FBXW4: variants seen among roughly 807,000 people sequenced by gnomAD.
The protein encoded by FBXW4 is F-box and WD repeat domain containing 4.
FBXW4 carries 40 observed loss-of-function variants against 61.8 expected under a neutral mutation model. The ratio of observed to expected loss-of-function variants is 0.65; its 90% confidence interval spans 0.50 to 0.84. The LOEUF is 0.84. Among genes scored for constraint, FBXW4 ranks in the 40% least tolerant of loss-of-function variants. The pLI is 0.00. For synonymous variants in FBXW4, 311 were observed against 313.8 expected (o/e 0.99, Z 0.10); for missense variants, 672 against 753.8 (o/e 0.89, Z 1.27).
intron 6 of FBXW4, among the ~76,000 whole-genome samples, chr10:101,624,091 GACAC>G (rs35664019): frequency 5.0e-4 from 74 of 147,658 alleles, no homozygotes; most frequent in African/African-American, 6.0e-4. Context: ...GACACAGACA[GACAC>G]ACACACACAC....
chr10:101,626,865 G>C (rs1160742992), intron 5 of FBXW4: 2 of 152,290 alleles, frequency 1.3e-5, no homozygotes, highest in Non-Finnish European at 2.9e-5. Flanking sequence ...CAATAGAGAG[G>C]GGAGCAACTT....
At chr10:101,629,781 C>T (rs1379500778) in intron 5 of FBXW4, among the ~76,000 whole-genome samples, 1 of 151,642 alleles carries the variant, frequency 6.6e-6, no homozygotes, top group Non-Finnish European at 1.5e-5. Flanking sequence ...TTTGAATCTC[C>T]AGCATCTAGT....
intron 5 of FBXW4, chr10:101,660,409 T>A: frequency 3.1e-6 from 1 of 323,124 alleles, no homozygotes; most frequent in Non-Finnish European, 4.5e-6. Context: ...ACCCTTAATT[T>A]AAATGTTAAT....
chr10:101,691,355 T>G (rs2064599677), intron 1 of FBXW4, among the ~76,000 whole-genome samples: 1 of 152,172 alleles, frequency 6.6e-6, no homozygotes, highest in African/African-American at 2.4e-5. Flanking sequence ...TCTCTCCACC[T>G]GCTGTAACAC....
chr10:101,629,504 G>T (rs572505641), intron 5 of FBXW4, among the ~76,000 whole-genome samples: 9 of 151,950 alleles, frequency 5.9e-5, no homozygotes, highest in African/African-American at 2.2e-4. Flanking sequence ...GGCTGGTCTC[G>T]AACTCCTGAC....
intron 5 of FBXW4, among the ~76,000 whole-genome samples, chr10:101,663,982 T>A (rs183508988): frequency 9.1e-4 from 138 of 152,350 alleles, no homozygotes; most frequent in African/African-American, 3.3e-3. Flanking sequence ...GGTCCTTGCC[T>A]GCCACTTTCC....
At chr10:101,657,573 G>A (rs2064198740) in intron 5 of FBXW4, among the ~76,000 whole-genome samples, 1 of 141,392 alleles carries the variant, frequency 7.1e-6, no homozygotes, top group African/African-American at 2.6e-5. Context: ...GGTGGAAGTT[G>A]CAGTGAGCTG....
rs796433194 is a variant in FBXW4, at chr10:101,624,659, C to G, written c.1301+86G>C. The G allele has an allele frequency of 1.2e-5, 17 of 1,468,486 alleles. No individual in the cohort carries two copies. The African/African-American group carries it at 2.1e-4, about 18-fold the overall frequency. The allele number at this position is 1,468,486 out of a possible 1,614,324, so 91.0% of individuals were successfully genotyped here. ...CACTTCCCAGCCTTCTCCTGGACCACTCAGCCAACTGAGGCAGAGGCTGGC... is the reference window on the plus strand; with the variant it reads ...CACTTCCCAGCCTTCTCCTGGACCAGTCAGCCAACTGAGGCAGAGGCTGGC... On this transcript the variant is annotated intron_variant, in intron 6 of 8. Coordinates refer to ENST00000331272, the MANE Select transcript of FBXW4 (RefSeq NM_022039.4).
Position 101,622,685 on chromosome 10 carries a change from G to A in FBXW4, c.1301+2060C>T, listed in dbSNP as rs970218587. ...AGAGCTTGCAGTGAGCTGAGATCAC[G>A]CCACTGCACTCCAGCCTGGGCGACA... On this transcript the variant is annotated intron_variant, in intron 6 of 8. Coordinates refer to ENST00000331272, the MANE Select transcript of FBXW4 (RefSeq NM_022039.4). Among the ~76,000 whole-genome samples the A allele has an allele frequency of 3.0e-5, 4 of 131,176 alleles. No individual in the cohort carries two copies. In the East Asian group the frequency reaches 6.7e-4, roughly 22 times the overall value. 86.1% of individuals were successfully genotyped at this position (131,176 alleles called of 152,430 possible).
At chr10:101,639,740 C>G (rs186462621) in intron 5 of FBXW4, among the ~76,000 whole-genome samples, 92 of 152,256 alleles carry the variant, frequency 6.0e-4, no homozygotes, top group Non-Finnish European at 1.1e-3. Context: ...ATAAGCTGGT[C>G]AGCTTGGAGA....
Position 101,694,682 on chromosome 10 carries a change from C to G in FBXW4, c.424G>C (p.Gly142Arg), listed in dbSNP as rs564717447. ...GARPGRAQGRGGQAWADIAGT... is the reference protein window; with the variant it reads ...GARPGRAQGRRGQAWADIAGT... Reference sequence around the variant, plus strand: ...GCGATGTCGGCCCAAGCCTGACCCCCTCGTCCCTGTGCTCTTCCCGGCCTG... The same window carrying G: ...GCGATGTCGGCCCAAGCCTGACCCCGTCGTCCCTGTGCTCTTCCCGGCCTG... The change falls in exon 1 of 9, where the codon GGG becomes CGG. Residue 142 changes from glycine (G) to arginine (R), a missense_variant. Gly to Arg is a moderately radical substitution (Grantham distance 125). This residue lies in a region of FBXW4 where 311 missense variants were observed against 301.1 expected (regional missense o/e 1.03). Coordinates refer to ENST00000331272, the MANE Select transcript of FBXW4 (RefSeq NM_022039.4). This position sits in a 1 kb window ranked among gnomAD's most constrained non-coding sequence, Gnocchi z 6.0. 1 of 1,393,154 alleles carries G rather than the reference C, an allele frequency of 7.2e-7. No homozygotes were observed. The highest frequency in any genetic ancestry group is 9.2e-7 in the Non-Finnish European group (1 of 1,083,178). The allele number at this position is 1,393,154 out of a possible 1,614,324, so 86.3% of individuals were successfully genotyped here. A position where few individuals can be genotyped will look rare whatever the true frequency, so the allele number is the denominator to read the frequency against.
Position 101,694,732 on chromosome 10 carries a change from A to C in FBXW4, c.374T>G (p.Val125Gly). 1 of 1,367,080 alleles carries C rather than the reference A, an allele frequency of 7.3e-7. No homozygotes were observed. The highest frequency in any genetic ancestry group is 9.4e-7 in the Non-Finnish European group (1 of 1,068,530). 84.7% of individuals were successfully genotyped at this position (1,367,080 alleles called of 1,614,324 possible). The change falls in exon 1 of 9, where the codon GTC (valine) becomes GGC (glycine). Residue 125 changes from valine to glycine, a missense_variant. Physicochemically the swap from Val to Gly is moderately radical, Grantham distance 109 (BLOSUM62 -3). Transcript: ENST00000331272. This position sits in a 1 kb window ranked among gnomAD's most constrained non-coding sequence, Gnocchi z 6.0. Reference protein sequence around the residue: ...REYGKKEEWRVRARRREGARP... With the variant: ...REYGKKEEWRGRARRREGARP... ...GGCGCCCTCCCGCCGCCTAGCCCTG[A>C]CCCTCCATTCCTCCTTCTTCCCATA...
At position 101,611,731 on chromosome 10, in the gene FBXW4, G is replaced by A. The variant is rs1232852287; in HGVS notation, c.1481C>T (p.Thr494Ile). 1 of 1,614,150 alleles carries A rather than the reference G, an allele frequency of 6.2e-7. No individual in the cohort carries two copies. The highest frequency in any genetic ancestry group is 1.7e-5 in the Admixed American group (1 of 60,024). Residue 494 changes from threonine (T) to isoleucine (I), a missense_variant, in exon 8 of 9, where the codon ACC becomes ATC. Physicochemically the swap from Thr to Ile is moderately conservative, Grantham distance 89. Around this residue, in one of 5 missense-constraint regions of FBXW4, gnomAD observed 312 missense variants for 370.1 expected, o/e 0.84. Coordinates refer to ENST00000331272, the MANE Select transcript of FBXW4 (RefSeq NM_022039.4). This position sits in a 1 kb window ranked among gnomAD's most constrained non-coding sequence, Gnocchi z 4.9. The stretch of plus-strand genomic sequence containing the variant: ...GCCATCTGTCTGCAGGCAGTACAGG[G>A]TGCTGTCGTGGGGCTCCTCCCACTC... ...VMEWEEPHDS[T>I]LYCLQTDGNH...
intron 4 of FBXW4, 79 bp downstream of exon 4, chr10:101,672,836 T>A: frequency 6.6e-7 from 1 of 1,525,358 alleles, no homozygotes. Flanking sequence ...TCTCAGCCAA[T>A]CCTGAGACTC....
At position 101,634,864 on chromosome 10, in the gene FBXW4, T is replaced by C. The variant is rs554951859; in HGVS notation, c.1236-10054A>G. 4.7e-5 allele frequency among the ~76,000 whole-genome samples: 7 copies of C among 149,514 alleles called. No individual in the cohort carries two copies. In the South Asian group the frequency reaches 6.3e-4, roughly 13 times the overall value. ...AGATAAACACAAAATTCTGAAGCCA[T>C]GAAGGTAGTGATCAGACAGACCTAA... On this transcript the variant is annotated intron_variant, in intron 5 of 8. Coordinates refer to ENST00000331272, the MANE Select transcript of FBXW4 (RefSeq NM_022039.4).
rs1376677631 is a variant in FBXW4 at position 101,610,917 on chromosome 10, A to G, written c.*374T>C. 6.3e-6 allele frequency: 1 copy of G among 158,506 alleles called. No homozygotes were observed. Among genetic ancestry groups the G allele is most frequent in the Non-Finnish European group, 1.4e-5 (1 of 72,264 alleles). The allele number at this position is 158,506 out of a possible 1,614,324, so 9.8% of individuals were successfully genotyped here. On this transcript the variant is annotated 3_prime_UTR_variant, in exon 9 of 9. Coordinates refer to ENST00000331272, the MANE Select transcript of FBXW4 (RefSeq NM_022039.4). ...CACCTTTCCTTCCAGGAAGGGGCAG[A>G]AAGGAACCATCTGGGAAGGTGGGAG...
At chr10:101,628,985 C>A (rs1290088538) in intron 5 of FBXW4, among the ~76,000 whole-genome samples, 1 of 152,172 alleles carries the variant, frequency 6.6e-6, no homozygotes, top group Admixed American at 6.5e-5. Flanking sequence ...CATCAGGCTC[C>A]AGAAGTAGAC....
rs2064660537 is a variant in FBXW4 at position 101,694,907 on chromosome 10, C to T, written c.199G>A (p.Glu67Lys). The T allele has an allele frequency of 1.6e-6, 2 of 1,244,198 alleles. No homozygotes were observed. The highest frequency in any genetic ancestry group is 1.0e-6 in the Non-Finnish European group (1 of 995,418). 77.1% of individuals were successfully genotyped at this position (1,244,198 alleles called of 1,614,324 possible). The change falls in exon 1 of 9, where the codon GAG (glutamate) becomes AAG (lysine). Residue 67 changes from glutamate to lysine, a missense_variant. Coordinates refer to ENST00000331272, the MANE Select transcript of FBXW4 (RefSeq NM_022039.4). This position sits in a 1 kb window ranked among gnomAD's most constrained non-coding sequence, Gnocchi z 6.0. Reference protein sequence around the residue: ...EGKPGPQTAKEAAGPGADAGA... With the variant: ...EGKPGPQTAKKAAGPGADAGA... ...GCGTCAGCCCCCGGCCCGGCTGCCT[C>T]CTTCGCCGTCTGCGGCCCGGGCTTC... is the stretch of plus-strand genomic sequence containing the variant.
At position 101,667,967 on chromosome 10, in the gene FBXW4, G is replaced by A. The variant is rs2064322678; in HGVS notation, c.1154C>T (p.Ala385Val). The stretch of plus-strand genomic sequence containing the variant: ...TAAGCACTGCCCCAGCCGGCCTGAG[G>A]CCAAAGGCCACACCTAGAAACAGGA... ...RDRTAKVWPL[A>V]SGRLGQCLHT... Residue 385 changes from alanine to valine, a missense_variant, in exon 5 of 9, where the codon GCC (alanine) becomes GTC (valine). Physicochemically the swap from Ala to Val is moderately conservative, Grantham distance 64. This residue lies in a region of FBXW4 where 312 missense variants were observed against 370.1 expected (regional missense o/e 0.84). Coordinates refer to ENST00000331272, the MANE Select transcript of FBXW4 (RefSeq NM_022039.4). 1.2e-6 allele frequency: 2 copies of A among 1,614,138 alleles called. No individual in the cohort carries two copies. The highest frequency in any genetic ancestry group is 1.7e-6 in the Non-Finnish European group (2 of 1,179,946).
Sources: allele counts gnomAD v4.1 joint callset (sites outside exome capture counted in the v4.1 genomes callset), GRCh38; gene constraint gnomAD v4.1.1; regional missense constraint gnomAD v4.1.1; non-coding constraint Gnocchi (gnomAD v3.1); transcripts MANE v1.5; gene names NCBI Gene and HGNC (gene_info 2026-07-23, HGNC 2026-07-21).